Variants in ASPRV1 observed in about 807,000 individuals in gnomAD.
ASPRV1 encodes retroviral-like aspartic protease 1.
ASPRV1 carries 7 observed loss-of-function variants against 11.0 expected under a neutral mutation model. That is an observed-to-expected ratio of 0.64 (90% CI 0.36 to 1.20). The LOEUF (loss-of-function observed/expected upper bound fraction) is 1.20, where lower values mean the gene tolerates loss of function less well. Among genes scored for constraint, ASPRV1 ranks in the 50% most tolerant of loss-of-function variants. The probability of loss-of-function intolerance (pLI) is 0.02; values close to 1 mark genes in which losing one functional copy is unlikely to be tolerated. For synonymous variants in ASPRV1, 136 were observed against 138.4 expected (o/e 0.98, Z 0.12); for missense variants, 299 against 320.0 (o/e 0.93, Z 0.50).
chr2:70,013,298 C>T, the ASPRV1 span, among the ~76,000 whole-genome samples: 4 of 152,172 alleles, frequency 2.6e-5, no homozygotes, highest in African/African-American at 9.7e-5. Context: ...CACATTACAA[C>T]TAATTTTTCA....
At chr2:69,951,151 C>T in the ASPRV1 span, among the ~76,000 whole-genome samples, 6 of 151,846 alleles carry the variant, frequency 4.0e-5, no homozygotes, top group East Asian at 1.9e-4. Context: ...GTGGCCCAGG[C>T]GCAGTGGCTC....
chr2:70,041,832 G>A, the ASPRV1 span, among the ~76,000 whole-genome samples: 1 of 152,184 alleles, frequency 6.6e-6, no homozygotes, highest in Non-Finnish European at 1.5e-5. Flanking sequence ...GGAAGAAGAG[G>A]ATTCAAAGTG....
In ASPRV1 at chr2:69,960,933, C is replaced by G; in HGVS notation, c.504G>C (p.Lys168Asn). 6.2e-7 allele frequency: 1 copy of G among 1,614,102 alleles called. No homozygotes were observed. Among genetic ancestry groups the G allele is most frequent in the African/African-American group, 1.3e-5 (1 of 75,024 alleles). Reference sequence around the variant, plus strand: ...CCGCTGTATCCCAGACACCCAGGATCTTCATTTCAGCACCATTGGCCACCT... The same window carrying G: ...CCGCTGTATCCCAGACACCCAGGATGTTCATTTCAGCACCATTGGCCACCT... ...VVKVANGAEM[K>N]ILGVWDTAVS... Residue 168 changes from lysine to asparagine, a missense_variant, in exon 1 of 1, where the codon AAG (lysine) becomes AAC (asparagine). Transcript: ENST00000320256.
chr2:70,000,418 A>G, the ASPRV1 span: 4 of 152,050 alleles, frequency 2.6e-5, no homozygotes, highest in Admixed American at 2.6e-4. Context: ...TAAATAAGAA[A>G]AAAATAATAT....
chr2:69,995,187 C>T, the ASPRV1 span: 6 of 151,168 alleles, frequency 4.0e-5, no homozygotes, highest in Non-Finnish European at 2.9e-5. Context: ...AGATCGAGAC[C>T]ATCCTGGCTA....
the ASPRV1 span, among the ~76,000 whole-genome samples, chr2:70,073,926 G>A: frequency 6.6e-6 from 1 of 151,854 alleles, no homozygotes; most frequent in African/African-American, 2.4e-5. Context: ...GAGGTCAGGA[G>A]ATGGAGACCA....
chr2:69,935,338 C>T, the ASPRV1 span: 1 of 1,597,888 alleles, frequency 6.3e-7, no homozygotes, highest in African/African-American at 1.3e-5. Context: ...CTACTGTGGT[C>T]TTGTTTTCAT....
At chr2:70,065,819 C>CAAAAAAAA in the ASPRV1 span, among the ~76,000 whole-genome samples, 58 of 67,398 alleles carry the variant, frequency 8.6e-4, no homozygotes, top group Non-Finnish European at 1.1e-3. Flanking sequence ...GCTTTTGACT[C>CAAAAAAAA]AAAAAAAAAA....
chr2:69,951,291 G>T, the ASPRV1 span, among the ~76,000 whole-genome samples: 4 of 151,818 alleles, frequency 2.6e-5, no homozygotes, highest in African/African-American at 9.7e-5. Context: ...GGGCATGGTG[G>T]CAGGTGCCTG....
the ASPRV1 span, among the ~76,000 whole-genome samples, chr2:70,023,745 TTTC>T: frequency 2.0e-5 from 3 of 152,318 alleles, no homozygotes; most frequent in Non-Finnish European, 4.4e-5. Flanking sequence ...ACCATGTAGA[TTTC>T]TTTTTTAAAA....
chr2:70,067,824 A>C, the ASPRV1 span, among the ~76,000 whole-genome samples: 2 of 152,250 alleles, frequency 1.3e-5, no homozygotes, highest in Non-Finnish European at 2.9e-5. Flanking sequence ...AGGAATAGCC[A>C]AAATATGATC....
chr2:70,042,582 G>A, the ASPRV1 span, among the ~76,000 whole-genome samples: 1 of 152,110 alleles, frequency 6.6e-6, no homozygotes, highest in Non-Finnish European at 1.5e-5. Flanking sequence ...CTGATAGGCA[G>A]AGAGCTGTCA....
chr2:69,944,983 C>T, the ASPRV1 span, among the ~76,000 whole-genome samples: 4 of 152,136 alleles, frequency 2.6e-5, no homozygotes, highest in Non-Finnish European at 4.4e-5. Flanking sequence ...CCCCATTACC[C>T]AGTGCAGCTT....
At chr2:70,078,144 A>G in the ASPRV1 span, among the ~76,000 whole-genome samples, 17 of 152,322 alleles carry the variant, frequency 1.1e-4, no homozygotes, top group Admixed American at 9.8e-4. Flanking sequence ...GCGACAGAGC[A>G]AGACTCTGTT....
At chr2:69,953,538 G>A in the ASPRV1 span, among the ~76,000 whole-genome samples, 1 of 152,216 alleles carries the variant, frequency 6.6e-6, no homozygotes, top group South Asian at 2.1e-4. Flanking sequence ...CGACTGGGCA[G>A]TTACGACCTG....
chr2:70,047,683 G>A, the ASPRV1 span, among the ~76,000 whole-genome samples: 4 of 152,338 alleles, frequency 2.6e-5, no homozygotes, highest in Admixed American at 2.6e-4. Flanking sequence ...ATAAAGGGGA[G>A]AGGGGAAGAG....
chr2:70,047,615 C>T, the ASPRV1 span, among the ~76,000 whole-genome samples: 2 of 152,188 alleles, frequency 1.3e-5, no homozygotes, highest in Admixed American at 6.5e-5. Context: ...GATCCTCCCC[C>T]GACATAGTCA....
the ASPRV1 span, among the ~76,000 whole-genome samples, chr2:69,944,892 G>A: frequency 5.3e-5 from 8 of 151,968 alleles, no homozygotes; most frequent in Non-Finnish European, 1.0e-4. Flanking sequence ...ATCCCATGTC[G>A]TCTTGGTGGC....
the ASPRV1 span, among the ~76,000 whole-genome samples, chr2:70,063,709 A>G: frequency 2.8e-4 from 43 of 151,372 alleles, no homozygotes; most frequent in African/African-American, 9.6e-4. Flanking sequence ...TAAAGAGCCC[A>G]TAAAATACAG....
Sources: gnomAD v4.1 joint callset for allele counts (sites outside exome capture counted in the v4.1 genomes callset) on GRCh38, gnomAD v4.1.1 for gene constraint, MANE v1.5 for transcripts, NCBI Gene and HGNC (gene_info 2026-07-23, HGNC 2026-07-21) for gene names.